CFAP99: variants seen among roughly 807,000 people sequenced by gnomAD.
CFAP99 encodes the protein cilia- and flagella-associated protein 99.
In CFAP99, 84 loss-of-function variants were observed where a neutral mutation model predicts 82.7. That is an observed-to-expected ratio of 1.02 (90% CI 0.85 to 1.22). The LOEUF is 1.22. CFAP99 is among the 50% of genes most tolerant of loss of function. CFAP99 has a pLI of 0.00. For synonymous variants in CFAP99, 456 were observed against 429.5 expected (o/e 1.06, Z -0.76); for missense variants, 1,059 against 983.5 (o/e 1.08, Z -1.03).
rs141041719 is a variant in CFAP99, at chr4:2,462,295, G to A, written c.1662-148G>A. On this transcript the variant is annotated intron_variant, in intron 14 of 14. Coordinates refer to ENST00000635017, the Ensembl canonical transcript of CFAP99. This position sits in a 1 kb window ranked among gnomAD's most constrained non-coding sequence, Gnocchi z 4.1. Reference sequence around the variant, plus strand: ...TGTCTAGGAGCGCGCCGCGGCCCCTGGGCCTCGCTGTCTGTCCTAAATCAT... The same window carrying A: ...TGTCTAGGAGCGCGCCGCGGCCCCTAGGCCTCGCTGTCTGTCCTAAATCAT... The A allele has an allele frequency of 2.3e-3, 1,723 of 754,846 alleles. 17 individuals carry two copies. In the African/African-American group the frequency reaches 0.029, roughly 13 times the overall value. 46.8% of individuals were successfully genotyped at this position (754,846 alleles called of 1,614,324 possible).
At chr4:2,461,995 TA>T (rs879828905) in intron 14 of CFAP99, among the ~76,000 whole-genome samples, 234 of 142,654 alleles carry the variant, frequency 1.6e-3, no homozygotes, top group Admixed American at 1.4e-3. Context: ...ATGTTAAGTT[TA>T]AAAAAAAAAA....
At chr4:2,449,843 G>A (rs1240764307) in intron 7 of CFAP99, 91 bp from the exon 8 acceptor site, 14 of 1,528,010 alleles carry the variant, frequency 9.2e-6, no homozygotes, top group African/African-American at 4.1e-5. Context: ...GGAGGCAAGA[G>A]GGGGAGGCTG....
At chr4:2,449,744 G>C in exon 7 of CFAP99, 1 of 1,536,210 alleles carries the variant, frequency 6.5e-7, no homozygotes. Context: ...ACCGCCGAAA[G>C]GCCGAGGTGA....
At chr4:2,450,414 T>G in intron 8 of CFAP99, 1 of 292,826 alleles carries the variant, frequency 3.4e-6, no homozygotes, top group Non-Finnish European at 6.6e-6. Context: ...CCCCGCTGGG[T>G]GGCAAGGGTC....
chr4:2,433,745 G>T (rs1042706713), intron 2 of CFAP99, among the ~76,000 whole-genome samples: 4 of 152,246 alleles, frequency 2.6e-5, no homozygotes, highest in Non-Finnish European at 5.9e-5. Context: ...GCCATGTCCT[G>T]CAAGGGCTGG....
At chr4:2,444,922 T>G (rs761534527) in intron 5 of CFAP99, among the ~76,000 whole-genome samples, 1 of 152,170 alleles carries the variant, frequency 6.6e-6, no homozygotes, top group Non-Finnish European at 1.5e-5. Context: ...ACAAGGGGAC[T>G]GCGTCTGTAT....
At position 2,426,554 on chromosome 4, in the gene CFAP99, C is replaced by T. The variant is rs1333240131; in HGVS notation, c.79C>T (p.Gln27Ter). ...TACACCCAAGAGGGACAACCCTGAGCAGTTCCTGGAGGCTGCGGCCACCTC... is the reference window on the plus strand; with the variant it reads ...TACACCCAAGAGGGACAACCCTGAGTAGTTCCTGGAGGCTGCGGCCACCTC... Residue 27 changes from glutamine to a stop codon, truncating the protein, a stop_gained, in exon 2 of 15, where the codon CAG becomes TAG. Transcript: ENST00000635017. LOFTEE classifies it high-confidence loss of function. The T allele has an allele frequency of 1.3e-6, 2 of 1,535,988 alleles. No individual in the cohort carries two copies. The highest frequency in any genetic ancestry group is 1.7e-4 in the Middle Eastern group (1 of 5,988).
At chr4:2,420,528 C>T (rs1578458984) in intron 1 of CFAP99, among the ~76,000 whole-genome samples, 1 of 152,118 alleles carries the variant, frequency 6.6e-6, no homozygotes, top group African/African-American at 2.4e-5. Flanking sequence ...TATCCTTGGC[C>T]AACTCCAAGG....
chr4:2,421,350 CTTTTT>C (rs10632358), intron 1 of CFAP99, among the ~76,000 whole-genome samples: 7 of 96,984 alleles, frequency 7.2e-5, no homozygotes, highest in Admixed American at 2.8e-4. Context: ...TCTGCCCACC[CTTTTT>C]TTTTTTTTTT....
At position 2,454,042 on chromosome 4, in the gene CFAP99, G is replaced by A. The variant is rs559240329; in HGVS notation, c.1161+1696G>A. Among the ~76,000 whole-genome samples, 6 of 150,418 alleles carry A rather than the reference G, an allele frequency of 4.0e-5. No homozygotes were observed. In the South Asian group the frequency reaches 6.3e-4, roughly 16 times the overall value. Reference sequence around the variant, plus strand: ...GAGACAGAGTCTTGCTCTGTCGCCCGGGCTGGAGTGCAGTGGCATGATCAT... The same window carrying A: ...GAGACAGAGTCTTGCTCTGTCGCCCAGGCTGGAGTGCAGTGGCATGATCAT... On this transcript the variant is annotated intron_variant, in intron 11 of 14. Coordinates refer to ENST00000635017, the Ensembl canonical transcript of CFAP99.
intron 2 of CFAP99, among the ~76,000 whole-genome samples, chr4:2,434,694 CT>C (rs755498503): frequency 6.6e-6 from 1 of 152,186 alleles, no homozygotes; most frequent in East Asian, 1.9e-4. Flanking sequence ...TCTACCACCC[CT>C]GGGGAGCTGA....
At position 2,462,467 on chromosome 4, in the gene CFAP99, G is replaced by C; in HGVS notation, c.1686G>C (p.Ala562=). The change falls in exon 15 of 15, where the codon GCG becomes GCC. Residue 562 remains alanine (A), a synonymous_variant. Coordinates refer to ENST00000635017, the Ensembl canonical transcript of CFAP99. This position sits in a 1 kb window ranked among gnomAD's most constrained non-coding sequence, Gnocchi z 4.1. ...GGTGGGAGGAAAAGAAGGCCCTTGC[G>C]GCGGCCCCGGCGGCGCCCTCGCAGG... 1.4e-6 allele frequency: 2 copies of C among 1,467,156 alleles called. No individual in the cohort carries two copies. The highest frequency in any genetic ancestry group is 1.8e-6 in the Non-Finnish European group (2 of 1,119,466). 90.9% of individuals were successfully genotyped at this position (1,467,156 alleles called of 1,614,324 possible). A position where few individuals can be genotyped will look rare whatever the true frequency, so the allele number is the denominator to read the frequency against.
chr4:2,438,008 C>A, intron 3 of CFAP99, 62 bp from the exon 4 acceptor site: 3 of 1,005,618 alleles, frequency 3.0e-6, no homozygotes, highest in Non-Finnish European at 4.4e-6. Flanking sequence ...CGGCTCCGGT[C>A]CCGCCGTGTG....
rs1363393533 is a variant in CFAP99 at position 2,448,214 on chromosome 4, C to A, written c.643-1456C>A. On this transcript the variant is annotated intron_variant, in intron 6 of 14. Coordinates refer to ENST00000635017, the Ensembl canonical transcript of CFAP99. This position sits in a 1 kb window ranked among gnomAD's most constrained non-coding sequence, Gnocchi z 5.2. ...TCTGTATAATCTTCAGCATTTCTGA[C>A]CCCATCTCCTCAGGGCTCAGTGTGT... Among the ~76,000 whole-genome samples, 1 of 152,158 alleles carries A rather than the reference C, an allele frequency of 6.6e-6. No homozygotes were observed. The highest frequency in any genetic ancestry group is 2.4e-5 in the African/African-American group (1 of 41,428).
chr4:2,458,565 C>T (rs28671535), intron 11 of CFAP99, among the ~76,000 whole-genome samples, 158 bp from the exon 12 acceptor site: 24,376 of 152,176 alleles, frequency 0.16, 2,279 homozygotes, highest in South Asian at 0.29. Flanking sequence ...TCCAGAGCAC[C>T]GCCAGGAGTG....
chr4:2,449,345 C>G (rs948728909), intron 6 of CFAP99, among the ~76,000 whole-genome samples: 3 of 152,130 alleles, frequency 2.0e-5, no homozygotes, highest in South Asian at 2.1e-4. Context: ...GCTGCCTCCC[C>G]CTCTTGCTCC....
At chr4:2,437,078 C>T (rs1470526241) in intron 3 of CFAP99, 60 bp downstream of exon 3, 16 of 1,525,066 alleles carry the variant, frequency 1.0e-5, no homozygotes, top group Admixed American at 7.9e-5. Context: ...AGGCTCTCTG[C>T]GGAAAGGCCT....
Position 2,446,143 on chromosome 4 carries a change from G to A in CFAP99, c.642+835G>A, listed in dbSNP as rs150964220. On this transcript the variant is annotated intron_variant, in intron 6 of 14. Coordinates refer to ENST00000635017, the Ensembl canonical transcript of CFAP99. This position sits in a 1 kb window ranked among gnomAD's most constrained non-coding sequence, Gnocchi z 5.0. ...CTGCCCCACTCCCACCATCCTTCAG[G>A]TCTCATTAAAATCCCTCTTCCCAGA... 8.4e-3 allele frequency among the ~76,000 whole-genome samples: 1,281 copies of A among 152,196 alleles called. 5 individuals carry two copies. The highest frequency in any genetic ancestry group is 0.014 in the Non-Finnish European group (922 of 68,012).
intron 2 of CFAP99, among the ~76,000 whole-genome samples, chr4:2,433,705 A>G (rs561961141): frequency 9.0e-4 from 137 of 152,348 alleles, no homozygotes; most frequent in African/African-American, 3.1e-3. Context: ...AGAAAGGGAC[A>G]GTAAACAAGC....
Sources: allele counts gnomAD v4.1 joint callset (sites outside exome capture counted in the v4.1 genomes callset), GRCh38; gene constraint gnomAD v4.1.1; non-coding constraint Gnocchi (gnomAD v3.1); transcripts MANE v1.5; gene names NCBI Gene and HGNC (gene_info 2026-07-23, HGNC 2026-07-21).